The following CACNA1C variants were observed in gnomAD, a reference collection of about 807,000 sequenced individuals.
The protein encoded by CACNA1C is calcium voltage-gated channel subunit alpha1 C, also known as voltage-dependent L-type calcium channel subunit alpha-1C.
In CACNA1C, 30 loss-of-function variants were observed where a neutral mutation model predicts 229.0. The observed-to-expected ratio is 0.13, with a 90% CI of 0.10 to 0.18. The LOEUF (loss-of-function observed/expected upper bound fraction) is 0.18. Ranked by LOEUF, CACNA1C falls within the 10% of genes least tolerant of loss-of-function variation. The pLI is 1.00. For synonymous variants in CACNA1C, 1,114 were observed against 1,132.5 expected, an observed-to-expected ratio of 0.98 and a Z score of 0.33; for missense variants, 1,658 against 2,845.0, an observed-to-expected ratio of 0.58 and a Z score of 9.49.
At chr12:2,376,246 C>T (rs557412311) in intron 3 of CACNA1C, among the ~76,000 whole-genome samples, 18 of 152,246 alleles carry the variant, frequency 1.2e-4, no homozygotes, top group African/African-American at 3.9e-4. Context: ...AAGTCCAGGT[C>T]GGAGTCATGG....
chr12:2,638,810 G>T (rs1228373607), intron 30 of CACNA1C, among the ~76,000 whole-genome samples: 1 of 152,216 alleles, frequency 6.6e-6, no homozygotes, highest in African/African-American at 2.4e-5. Flanking sequence ...GCGGGCTGGA[G>T]GCGGGGCCTG....
chr12:2,477,282 GTCAGGTATGACTTT>G (rs1390633877), intron 5 of CACNA1C, among the ~76,000 whole-genome samples: 2 of 152,234 alleles, frequency 1.3e-5, no homozygotes, highest in African/African-American at 4.8e-5. Context: ...TTTAGAAGCA[GTCAGGTATGACTTT>G]GGAAGATGAG....
chr12:2,686,874 A>T (rs1035133948), intron 45 of CACNA1C, among the ~76,000 whole-genome samples: 3 of 152,216 alleles, frequency 2.0e-5, no homozygotes, highest in Non-Finnish European at 4.4e-5. Flanking sequence ...AGTGTTATCT[A>T]AGGCCAGTCT....
chr12:2,076,221 T>C (rs948261005), intron 1 of CACNA1C, among the ~76,000 whole-genome samples: 5 of 152,118 alleles, frequency 3.3e-5, no homozygotes, highest in Non-Finnish European at 5.9e-5. Context: ...TGTGCTAGGG[T>C]TTTTTGTTTT....
intron 34 of CACNA1C, among the ~76,000 whole-genome samples, chr12:2,657,450 T>TA (rs1159039010): frequency 6.6e-6 from 1 of 152,122 alleles, no homozygotes; most frequent in African/African-American, 2.4e-5. Flanking sequence ...ATATATATGT[T>TA]AAAGATTTAA....
At chr12:2,462,946 T>G (rs1431063871) in intron 5 of CACNA1C, among the ~76,000 whole-genome samples, 1 of 142,720 alleles carries the variant, frequency 7.0e-6, no homozygotes, top group Non-Finnish European at 1.5e-5. Flanking sequence ...GGAGTCTTGC[T>G]CTGTCGCCCA....
chr12:1,983,504 T>G (rs1455563557), intron 1 of CACNA1C, among the ~76,000 whole-genome samples: 1 of 152,080 alleles, frequency 6.6e-6, no homozygotes, highest in Admixed American at 6.5e-5. Context: ...AGTATGCTGT[T>G]TAATTTCCAA....
intron 3 of CACNA1C, among the ~76,000 whole-genome samples, chr12:2,156,384 C>T (rs1462396281): frequency 2.0e-5 from 3 of 152,154 alleles, no homozygotes; most frequent in Non-Finnish European, 4.4e-5. Context: ...TGCTCTCTTC[C>T]AAAACCACAC....
At chr12:2,069,997 G>T (rs78366483) in intron 1 of CACNA1C, among the ~76,000 whole-genome samples, 38 of 152,164 alleles carry the variant, frequency 2.5e-4, no homozygotes, top group African/African-American at 8.4e-4. Flanking sequence ...TAGAGGCAGG[G>T]TCTCACTGTC....
At chr12:2,349,598 C>A (rs999464333) in intron 3 of CACNA1C, among the ~76,000 whole-genome samples, 1 of 152,064 alleles carries the variant, frequency 6.6e-6, no homozygotes, top group African/African-American at 2.4e-5. Flanking sequence ...TTGGCATTGC[C>A]ATGGGTGTGA....
intron 1 of CACNA1C, among the ~76,000 whole-genome samples, chr12:2,086,421 A>G (rs760963416): frequency 6.6e-6 from 1 of 152,172 alleles, no homozygotes; most frequent in Non-Finnish European, 1.5e-5. Flanking sequence ...TTTTTTCTCC[A>G]TATATGTTCC....
intron 3 of CACNA1C, among the ~76,000 whole-genome samples, chr12:2,365,599 TTAACGAATTTGTTGAAG>T (rs1315665936): frequency 6.6e-6 from 1 of 152,194 alleles, no homozygotes; most frequent in East Asian, 1.9e-4. Context: ...AAATAGAAAC[TTAACGAATTTGTTGAAG>T]ACACAAAGTT....
chr12:2,536,522 T>A (rs894393314), intron 9 of CACNA1C, among the ~76,000 whole-genome samples: 7 of 152,092 alleles, frequency 4.6e-5, no homozygotes, highest in African/African-American at 1.7e-4. Context: ...GACCTTAACA[T>A]TCTCACCTAT....
intron 4 of CACNA1C, among the ~76,000 whole-genome samples, chr12:2,449,356 GT>G (rs2099331156): frequency 6.6e-6 from 1 of 152,186 alleles, no homozygotes; most frequent in Admixed American, 6.5e-5. Flanking sequence ...TGAATCCAAG[GT>G]TCTACCCAGG....
In CACNA1C at chr12:2,550,598, G is replaced by T. The variant is rs372658528; in HGVS notation, c.1481+565G>T. On this transcript the variant is annotated intron_variant, in intron 10 of 46. Coordinates refer to ENST00000399655, the MANE Select transcript of CACNA1C (RefSeq NM_000719.7). ...CTGTTCTGTTGCCTTGGGGTGTCAC[G>T]ACTGTAAACTCACCCTGGCCTCTGG... The T allele has an allele frequency of 2.2e-6, 3 of 1,351,594 alleles. No homozygotes were observed. The East Asian group carries it at 1.4e-4, about 61-fold the overall frequency. 83.7% of individuals were successfully genotyped at this position (1,351,594 alleles called of 1,614,324 possible).
At chr12:2,548,544 G>T (rs899432356) in intron 9 of CACNA1C, among the ~76,000 whole-genome samples, 3 of 152,208 alleles carry the variant, frequency 2.0e-5, no homozygotes, top group African/African-American at 7.2e-5. Context: ...AATTTCTAAA[G>T]CCTCACCCAG....
chr12:2,167,628 T>C (rs944497291), intron 3 of CACNA1C, among the ~76,000 whole-genome samples: 14 of 152,200 alleles, frequency 9.2e-5, no homozygotes, highest in African/African-American at 2.9e-4. Flanking sequence ...CCCATGCATG[T>C]ATAGCTCAGG....
chr12:2,518,200 A>G (rs2099801537), intron 9 of CACNA1C, among the ~76,000 whole-genome samples: 1 of 152,220 alleles, frequency 6.6e-6, no homozygotes, highest in South Asian at 2.1e-4. Flanking sequence ...GGCTTGTAAG[A>G]GCTGCAGGTT....
chr12:2,361,941 A>G (rs1296376055), intron 3 of CACNA1C, among the ~76,000 whole-genome samples: 1 of 152,238 alleles, frequency 6.6e-6, no homozygotes, highest in Non-Finnish European at 1.5e-5. Flanking sequence ...GCTCTGCCTG[A>G]GACCGACTGT....
Sources: allele counts gnomAD v4.1 joint callset (sites outside exome capture counted in the v4.1 genomes callset), GRCh38; gene constraint gnomAD v4.1.1; transcripts MANE v1.5; gene names NCBI Gene and HGNC (gene_info 2026-07-23, HGNC 2026-07-21).